TBXAS1: variants seen among roughly 807,000 people sequenced by gnomAD.
TBXAS1 encodes thromboxane A synthase 1.
In TBXAS1, 48 loss-of-function variants were observed where a neutral mutation model predicts 60.7. The observed-to-expected ratio is 0.79, with a 90% CI of 0.63 to 1.01. The LOEUF is 1.01. Ranked by LOEUF, TBXAS1 falls within the 50% of genes least tolerant of loss-of-function variation. TBXAS1 has a pLI of 0.00. For missense variants in TBXAS1, 685 were observed against 686.3 expected (o/e 1.00, Z 0.02); for synonymous variants, 287 against 269.7 (o/e 1.06, Z -0.63).
intron 8 of TBXAS1, among the ~76,000 whole-genome samples, chr7:139,961,502 T>A (rs1376943695): frequency 6.6e-6 from 1 of 152,246 alleles, no homozygotes; most frequent in East Asian, 1.9e-4. Context: ...GGTGGGGACA[T>A]TGCTAAAATC....
At chr7:139,801,487 G>C (rs879323211) in intron 4 of TBXAS1, among the ~76,000 whole-genome samples, 2 of 118,414 alleles carry the variant, frequency 1.7e-5, no homozygotes, top group African/African-American at 6.5e-5. Context: ...TTTCTTTTTT[G>C]TGAGGCAGGT....
At chr7:139,986,318 T>C (rs963601071) in intron 9 of TBXAS1, among the ~76,000 whole-genome samples, 4 of 152,148 alleles carry the variant, frequency 2.6e-5, no homozygotes, top group Non-Finnish European at 2.9e-5. Flanking sequence ...AGCTGAGAAG[T>C]GGTGAAGCAT....
At position 139,985,405 on chromosome 7, in the gene TBXAS1, G is replaced by A. The variant is rs62490126; in HGVS notation, c.1135-21686G>A. Among the ~76,000 whole-genome samples, 1,465 of 152,322 alleles carry A rather than the reference G, an allele frequency of 9.6e-3. 11 individuals carry two copies. The highest frequency in any genetic ancestry group is 0.013 in the Non-Finnish European group (909 of 68,038). ...GGGCTGATGGTGTGGAGTACAGAGCGGTAGCCGCTGCCCTGTTATCAGCTG... is the reference window on the plus strand; with the variant it reads ...GGGCTGATGGTGTGGAGTACAGAGCAGTAGCCGCTGCCCTGTTATCAGCTG... On this transcript the variant is annotated intron_variant, in intron 9 of 12. Coordinates refer to ENST00000448866, the MANE Select transcript of TBXAS1 (RefSeq NM_001061.7).
At chr7:139,875,810 T>C in intron 3 of TBXAS1, 173 bp downstream of exon 3, 1 of 850,612 alleles carries the variant, frequency 1.2e-6, no homozygotes, top group Admixed American at 2.2e-5. Context: ...AGACAAGGCT[T>C]CTAGAGAAGA....
chr7:140,018,649 T>G (rs1031290551), intron 12 of TBXAS1, among the ~76,000 whole-genome samples: 1 of 152,140 alleles, frequency 6.6e-6, no homozygotes, highest in African/African-American at 2.4e-5. Flanking sequence ...ACAGCAACCC[T>G]GCAGAGTAGG....
chr7:139,820,336 TAGAG>T (rs973768432), intron 4 of TBXAS1, among the ~76,000 whole-genome samples: 1 of 152,078 alleles, frequency 6.6e-6, no homozygotes, highest in Non-Finnish European at 1.5e-5. Flanking sequence ...CATAAATTGA[TAGAG>T]AGGCTGAAAT....
chr7:139,782,866 T>C (rs1258041339), intron 3 of TBXAS1: 1 of 152,240 alleles, frequency 6.6e-6, no homozygotes, highest in Non-Finnish European at 1.5e-5. Context: ...TTCCACACAT[T>C]CTTTATTTCT....
chr7:139,876,956 T>C (rs1802278018), intron 3 of TBXAS1, among the ~76,000 whole-genome samples: 1 of 152,204 alleles, frequency 6.6e-6, no homozygotes, highest in South Asian at 2.1e-4. Flanking sequence ...TCTTTGGAAG[T>C]GTAAGCTCGG....
intron 1 of TBXAS1, among the ~76,000 whole-genome samples, chr7:139,850,439 C>T (rs781422025): frequency 4.6e-5 from 7 of 152,240 alleles, no homozygotes; most frequent in Non-Finnish European, 1.0e-4. Flanking sequence ...CTCTCCATCT[C>T]ACATCCTCTG....
At chr7:139,932,412 C>T (rs547004164) in intron 4 of TBXAS1, among the ~76,000 whole-genome samples, 2 of 152,020 alleles carry the variant, frequency 1.3e-5, no homozygotes, top group South Asian at 4.1e-4. Flanking sequence ...TGGAGCTCAT[C>T]GCTCAAGGCA....
chr7:139,948,359 A>G (rs1209334014), intron 5 of TBXAS1, among the ~76,000 whole-genome samples: 2 of 152,172 alleles, frequency 1.3e-5, no homozygotes, highest in African/African-American at 4.8e-5. Context: ...TAAGGACACC[A>G]ATCCTATTGG....
chr7:139,832,412 GA>G (rs35098819), intron 1 of TBXAS1, among the ~76,000 whole-genome samples: 1 of 151,160 alleles, frequency 6.6e-6, no homozygotes, highest in Non-Finnish European at 1.5e-5. Flanking sequence ...CAAAGACAAA[GA>G]AAAAAAATAA....
intron 1 of TBXAS1, among the ~76,000 whole-genome samples, chr7:139,835,065 CT>C (rs142060008): frequency 0.65 from 85,983 of 131,912 alleles, 28,713 homozygotes; most frequent in East Asian, 0.91. Flanking sequence ...TACTAAAATT[CT>C]TTTTTTTTTT....
At chr7:139,985,935 G>A (rs1812423261) in intron 9 of TBXAS1, among the ~76,000 whole-genome samples, 1 of 152,246 alleles carries the variant, frequency 6.6e-6, no homozygotes, top group Admixed American at 6.5e-5. Context: ...TAGCACCCAG[G>A]AGCCTGTTCC....
intron 9 of TBXAS1, among the ~76,000 whole-genome samples, chr7:139,976,342 C>T (rs1811562897): frequency 6.6e-6 from 1 of 152,180 alleles, no homozygotes; most frequent in Admixed American, 6.5e-5. Flanking sequence ...AGCCCTGCAT[C>T]CTGAGATCCT....
intron 5 of TBXAS1, among the ~76,000 whole-genome samples, chr7:139,940,193 T>C (rs1161916421): frequency 1.3e-5 from 2 of 152,134 alleles, no homozygotes; most frequent in Non-Finnish European, 2.9e-5. Flanking sequence ...CTCTAAGCCA[T>C]GGTGTAGACA....
chr7:139,962,075 T>C lies in TBXAS1; in HGVS notation c.976T>C (p.Leu326=). The change falls in exon 9 of 13, where the codon TTG becomes CTG. Residue 326 remains leucine, a synonymous_variant. Transcript: ENST00000448866. ...QHQPSPMARP[L]TVDEIVGQAF... Reference sequence around the variant, plus strand: ...CCAGCCCAGCCCTATGGCCAGGCCTTTGACTGTGGATGAGATTGTGGGCCA... The same window carrying C: ...CCAGCCCAGCCCTATGGCCAGGCCTCTGACTGTGGATGAGATTGTGGGCCA... The C allele has an allele frequency of 6.2e-7, 1 of 1,614,206 alleles. No individual in the cohort carries two copies. Among genetic ancestry groups the C allele is most frequent in the Non-Finnish European group, 8.5e-7 (1 of 1,180,048 alleles).
At chr7:139,813,070 A>G (rs976748025) in intron 4 of TBXAS1, among the ~76,000 whole-genome samples, 1 of 99,618 alleles carries the variant, frequency 1.0e-5, no homozygotes, top group Admixed American at 1.2e-4. Context: ...TAAATAAAAT[A>G]AAATAAATAA....
Position 139,931,169 on chromosome 7 carries a change from G to A in TBXAS1, c.334-5022G>A, listed in dbSNP as rs185829266. Among the ~76,000 whole-genome samples the A allele has an allele frequency of 5.3e-3, 811 of 152,118 alleles. 1 individual carries two copies. Among genetic ancestry groups the A allele is most frequent in the Non-Finnish European group, 8.6e-3 (585 of 67,970 alleles). Reference sequence around the variant, plus strand: ...CAGAATACTTTCCCTGACGTTAAATGCTCCTCTGTGTTTCCTAATCTTGTC... The same window carrying A: ...CAGAATACTTTCCCTGACGTTAAATACTCCTCTGTGTTTCCTAATCTTGTC... On this transcript the variant is annotated intron_variant, in intron 4 of 12. Coordinates refer to ENST00000448866, the MANE Select transcript of TBXAS1 (RefSeq NM_001061.7).
Sources: allele counts gnomAD v4.1 joint callset (sites outside exome capture counted in the v4.1 genomes callset), GRCh38; gene constraint gnomAD v4.1.1; transcripts MANE v1.5; gene names NCBI Gene and HGNC (gene_info 2026-07-23, HGNC 2026-07-21).